Variants in FMN1 observed in about 807,000 individuals in gnomAD.
FMN1 encodes the protein formin-1.
FMN1 carries 110 observed loss-of-function variants against 132.4 expected under a neutral mutation model. The ratio of observed to expected loss-of-function variants is 0.83; its 90% CI spans 0.71 to 0.97. The LOEUF (loss-of-function observed/expected upper bound fraction) is 0.97. Ranked by LOEUF, FMN1 falls within the 50% of genes least tolerant of loss-of-function variation. FMN1 has a pLI of 0.00. For synonymous variants in FMN1, 722 were observed against 651.7 expected, an observed-to-expected ratio of 1.11 and a Z score of -1.64; for missense variants, 1,792 against 1,705.3, an observed-to-expected ratio of 1.05 and a Z score of -0.90.
At chr15:32,949,952 T>TAC (rs1372855877) in intron 9 of FMN1, among the ~76,000 whole-genome samples, 4 of 50,498 alleles carry the variant, frequency 7.9e-5, no homozygotes, top group East Asian at 4.4e-4. Flanking sequence ...TATATATATA[T>TAC]ATATATATAT....
At chr15:33,179,827 T>C (rs1965634517) in intron 3 of FMN1, among the ~76,000 whole-genome samples, 1 of 152,210 alleles carries the variant, frequency 6.6e-6, no homozygotes, top group South Asian at 2.1e-4. Context: ...CCCAGTTAGC[T>C]ATTTTTAATA....
intron 16 of FMN1, among the ~76,000 whole-genome samples, chr15:32,885,069 T>C (rs2059863092): frequency 6.6e-6 from 1 of 152,236 alleles, no homozygotes; most frequent in Non-Finnish European, 1.5e-5. Context: ...TTTCTACGAT[T>C]ATGCTACTTG....
chr15:32,886,924 G>A (rs777976070), intron 16 of FMN1, among the ~76,000 whole-genome samples: 5 of 152,054 alleles, frequency 3.3e-5, no homozygotes, highest in Admixed American at 1.3e-4. Flanking sequence ...AGAAAATAAC[G>A]ACCGCAAGTT....
At chr15:33,001,486 T>C (rs1390146656) in intron 7 of FMN1, among the ~76,000 whole-genome samples, 3 of 152,160 alleles carry the variant, frequency 2.0e-5, no homozygotes, top group Non-Finnish European at 2.9e-5. Flanking sequence ...TTCACTGTTT[T>C]ATGTCATTTA....
chr15:32,821,108 T>TTTTTTTTTTTTTTTTTTGAGACGG (rs1229243106), intron 17 of FMN1, among the ~76,000 whole-genome samples: 1 of 150,636 alleles, frequency 6.6e-6, no homozygotes, highest in East Asian at 2.0e-4. Context: ...ACAGATTTTC[T>TTTTTTTTTTTTTTTTTTGAGACGG]AAGATACAAT....
intron 6 of FMN1, among the ~76,000 whole-genome samples, chr15:33,017,138 T>TTAA (rs1555381664): frequency 4.1e-5 from 6 of 147,042 alleles, no homozygotes; most frequent in Non-Finnish European, 9.0e-5. Context: ...AAGCATAATT[T>TTAA]AAAAAAAAAA....
At chr15:32,805,426 A>C (rs1006778391) in intron 17 of FMN1, among the ~76,000 whole-genome samples, 3 of 152,150 alleles carry the variant, frequency 2.0e-5, no homozygotes, top group Non-Finnish European at 4.4e-5. Flanking sequence ...GGTAGATTGC[A>C]AAAATTTTCT....
At chr15:32,804,763 T>A (rs1567195407) in intron 17 of FMN1, among the ~76,000 whole-genome samples, 1 of 151,668 alleles carries the variant, frequency 6.6e-6, no homozygotes, top group East Asian at 1.9e-4. Context: ...ATGCAGTGTT[T>A]GGTTTTCTGT....
intron 4 of FMN1, among the ~76,000 whole-genome samples, chr15:33,098,879 A>G (rs1408501379): frequency 2.0e-5 from 3 of 151,934 alleles, no homozygotes; most frequent in African/African-American, 7.3e-5. Flanking sequence ...AGGGCTTTCT[A>G]CTGTTGCTAG....
At chr15:33,075,704 C>T (rs1477237922) in intron 5 of FMN1, among the ~76,000 whole-genome samples, 1 of 152,132 alleles carries the variant, frequency 6.6e-6, no homozygotes, top group Non-Finnish European at 1.5e-5. Flanking sequence ...GGGGTTTCTT[C>T]CATCCTTTTC....
chr15:33,119,452 G>A (rs967352007), intron 4 of FMN1, among the ~76,000 whole-genome samples: 11 of 152,200 alleles, frequency 7.2e-5, no homozygotes, highest in African/African-American at 2.7e-4. Context: ...CATCGCAAGA[G>A]CAACTGCTAC....
At chr15:32,939,459 T>A (rs934375887) in intron 9 of FMN1, among the ~76,000 whole-genome samples, 6 of 152,266 alleles carry the variant, frequency 3.9e-5, no homozygotes, top group East Asian at 1.9e-4. Context: ...ATTTTTTTTT[T>A]AATTTGTTAT....
At chr15:33,000,476 G>A (rs543211758) in intron 7 of FMN1, among the ~76,000 whole-genome samples, 22 of 151,146 alleles carry the variant, frequency 1.5e-4, no homozygotes, top group African/African-American at 3.2e-4. Context: ...AAAAGGAGGC[G>A]GTGTAAATAG....
At chr15:32,947,229 T>C (rs938532229) in intron 9 of FMN1, among the ~76,000 whole-genome samples, 22 of 152,240 alleles carry the variant, frequency 1.4e-4, no homozygotes, top group African/African-American at 4.3e-4. Flanking sequence ...TTTTCCTTTT[T>C]TTGCCATATA....
intron 4 of FMN1, among the ~76,000 whole-genome samples, chr15:33,126,336 C>T (rs1193107119): frequency 6.6e-6 from 1 of 152,152 alleles, no homozygotes; most frequent in African/African-American, 2.4e-5. Context: ...AGAGAGGAGG[C>T]AGAAGGTCAC....
At chr15:32,892,137 T>C (rs1367747750) in intron 15 of FMN1, among the ~76,000 whole-genome samples, 4 of 152,176 alleles carry the variant, frequency 2.6e-5, no homozygotes, top group Non-Finnish European at 5.9e-5. Context: ...TTGTTCCAGT[T>C]CTCAGAGGGA....
chr15:32,966,590 G>C (rs1473460031), intron 8 of FMN1, among the ~76,000 whole-genome samples: 1 of 152,050 alleles, frequency 6.6e-6, no homozygotes, highest in African/African-American at 2.4e-5. Flanking sequence ...GCTTATTCTA[G>C]AAATCACGAA....
At chr15:33,053,262 T>C (rs2037062498) in intron 6 of FMN1, among the ~76,000 whole-genome samples, 1 of 152,132 alleles carries the variant, frequency 6.6e-6, no homozygotes, top group Non-Finnish European at 1.5e-5. Flanking sequence ...AAAAACTAAT[T>C]AGCACACTAA....
chr15:33,151,341 C>G, intron 4 of FMN1: 1 of 1,536,644 alleles, frequency 6.5e-7, no homozygotes, highest in South Asian at 1.2e-5. Context: ...GTTCTTATGA[C>G]TGGTTCCTGA....
Sources: gnomAD v4.1 joint callset for allele counts (sites outside exome capture counted in the v4.1 genomes callset) on GRCh38, gnomAD v4.1.1 for gene constraint, MANE v1.5 for transcripts, NCBI Gene and HGNC (gene_info 2026-07-23, HGNC 2026-07-21) for gene names.